The following COX18 variants were observed in gnomAD, a reference collection of about 807,000 sequenced individuals.
COX18 encodes the protein cytochrome c oxidase assembly factor COX18.
COX18 carries 45 observed loss-of-function variants against 38.0 expected under a neutral mutation model. That is an observed-to-expected ratio of 1.18 (90% CI 0.93 to 1.52). COX18 has a LOEUF of 1.52. COX18 is among the 40% of genes most tolerant of loss of function. The pLI is 0.00. For synonymous variants in COX18, 177 were observed against 169.8 expected (o/e 1.04, Z -0.33); for missense variants, 462 against 423.8 (o/e 1.09, Z -0.79).
intron 5 of COX18, among the ~76,000 whole-genome samples, chr4:73,058,743 T>C (rs142006192): frequency 6.6e-6 from 1 of 152,268 alleles, no homozygotes; most frequent in East Asian, 1.9e-4. Flanking sequence ...AGTTTCTCAG[T>C]GTAGTAAGGA....
Position 73,069,665 on chromosome 4 carries a change from G to A in COX18, c.-16C>T, listed in dbSNP as rs754856077. On this transcript the variant is annotated 5_prime_UTR_variant, in exon 1 of 6. Coordinates refer to ENST00000507544, the MANE Select transcript of COX18 (RefSeq NM_001297732.2). ...GGCACAGCATTTCTGCACCACGGCGGAGCCCAGATCCCGGGCCTCACAATC... is the reference window on the plus strand; with the variant it reads ...GGCACAGCATTTCTGCACCACGGCGAAGCCCAGATCCCGGGCCTCACAATC... The A allele has an allele frequency of 6.5e-7, 1 of 1,541,654 alleles. No individual in the cohort carries two copies. Among genetic ancestry groups the A allele is most frequent in the South Asian group, 1.2e-5 (1 of 84,634 alleles).
Position 73,057,505 on chromosome 4 carries a change from G to C in COX18, c.*609C>G, listed in dbSNP as rs1048705823. On this transcript the variant is annotated 3_prime_UTR_variant, in exon 6 of 6. Coordinates refer to ENST00000507544, the MANE Select transcript of COX18 (RefSeq NM_001297732.2). ...TATGCAGTATTGTTTAGTTTAACTT[G>C]CCATCATTCAGTAGCTAACCCTATT... 6.6e-6 allele frequency: 1 copy of C among 151,876 alleles called. No homozygotes were observed. The allele number at this position is 151,876 out of a possible 1,614,324, so 9.4% of individuals were successfully genotyped here.
intron 5 of COX18, among the ~76,000 whole-genome samples, chr4:73,059,462 A>G (rs1720045993): frequency 6.6e-6 from 1 of 152,134 alleles, no homozygotes. Context: ...TTCAGCACTT[A>G]CATTTGTTAT....
Position 73,055,866 on chromosome 4 carries a change from C to A in COX18, c.*2248G>T, listed in dbSNP as rs560391184. 6.6e-6 allele frequency: 1 copy of A among 152,238 alleles called. No individual in the cohort carries two copies. The highest frequency in any genetic ancestry group is 2.4e-5 in the African/African-American group (1 of 41,546). The allele number at this position is 152,238 out of a possible 1,614,324, so 9.4% of individuals were successfully genotyped here. ...ATTCCTTCAATGTGGTTGGAAAGCA[C>A]AATTGCCCCAATAGGACAGTCAGAA... is the stretch of plus-strand genomic sequence containing the variant. On this transcript the variant is annotated 3_prime_UTR_variant, in exon 6 of 6. Coordinates refer to ENST00000507544, the MANE Select transcript of COX18 (RefSeq NM_001297732.2).
intron 2 of COX18, among the ~76,000 whole-genome samples, chr4:73,067,062 T>A (rs1720481921): frequency 6.6e-6 from 1 of 152,212 alleles, no homozygotes; most frequent in African/African-American, 2.4e-5. Flanking sequence ...AAGTTCCCAG[T>A]GAATGAATGC....
chr4:73,064,786 T>C lies in COX18; in HGVS notation c.715A>G (p.Ile239Val). 1 of 1,613,562 alleles carries C rather than the reference T, an allele frequency of 6.2e-7. No individual in the cohort carries two copies. Among genetic ancestry groups the C allele is most frequent in the Non-Finnish European group, 8.5e-7 (1 of 1,179,616 alleles). The change falls in exon 4 of 6, where the codon ATA (isoleucine) becomes GTA (valine). Residue 239 changes from isoleucine (I) to valine (V), a missense_variant. By Grantham distance (29) the Ile-to-Val change is conservative. Transcript: ENST00000507544. Reference protein sequence around the residue: ...PISVGVINLLIVEICALQKIG... With the variant: ...PISVGVINLLVVEICALQKIG... ...CATTTAAAACTACTGACCTCCACTA[T>C]TAACAAATTGATGACGCCAACAGAG...
rs1226230822 is a variant in COX18, at chr4:73,054,999, T to C, written c.*3115A>G. ...CACAATATCATAGCACGTTATTTTT[T>C]GCGTCTCAGCAAAAGTGACAAACAC... On this transcript the variant is annotated 3_prime_UTR_variant, in exon 6 of 6. Coordinates refer to ENST00000507544, the MANE Select transcript of COX18 (RefSeq NM_001297732.2). The C allele has an allele frequency of 6.6e-6, 1 of 152,252 alleles. No individual in the cohort carries two copies. Among genetic ancestry groups the C allele is most frequent in the Non-Finnish European group, 1.5e-5 (1 of 68,046 alleles). The allele number at this position is 152,252 out of a possible 1,614,324, so 9.4% of individuals were successfully genotyped here.
chr4:73,069,220 G>C (rs145832989), intron 1 of COX18, 97 bp downstream of exon 1: 2 of 880,086 alleles, frequency 2.3e-6, no homozygotes, highest in East Asian at 2.7e-5. Flanking sequence ...CACTGCAGAA[G>C]GCAACATCGT....
rs1320709088 is a variant in COX18 at position 73,065,317 on chromosome 4, C to G, written c.531G>C (p.Gln177His). The G allele has an allele frequency of 2.5e-6, 4 of 1,613,692 alleles. No individual in the cohort carries two copies. The highest frequency in any genetic ancestry group is 3.4e-6 in the Non-Finnish European group (4 of 1,179,940). ...PFKATVLVWIQLPMWIFMSFA... is the reference protein window; with the variant it reads ...PFKATVLVWIHLPMWIFMSFA... ...AAGACATGAAGATCCACATTGGAAG[C>G]TGAATCCAAACCAACACAGTGGCTT... The change falls in exon 3 of 6, where the codon CAG becomes CAC. Residue 177 changes from glutamine (Q) to histidine (H), a missense_variant. By Grantham distance (24) the Gln-to-His change is conservative (BLOSUM62 0). Transcript: ENST00000507544.
At chr4:73,059,153 G>A (rs1720031083) in intron 5 of COX18, among the ~76,000 whole-genome samples, 1 of 152,154 alleles carries the variant, frequency 6.6e-6, no homozygotes, top group Admixed American at 6.5e-5. Context: ...TCAATACGAA[G>A]TTCTACAACC....
intron 5 of COX18, among the ~76,000 whole-genome samples, chr4:73,060,947 T>C (rs1290153706): frequency 6.6e-6 from 1 of 151,972 alleles, no homozygotes; most frequent in Non-Finnish European, 1.5e-5. Context: ...TAATAACAAC[T>C]GAATTCGACT....
intron 3 of COX18, 112 bp from the exon 4 acceptor site, chr4:73,065,014 G>T (rs184673964): frequency 2.7e-4 from 291 of 1,092,714 alleles, no homozygotes; most frequent in Non-Finnish European, 3.6e-4. Flanking sequence ...TCACAGGAAA[G>T]ATCTGCACTG....
At chr4:73,063,203 G>T (rs935750388) in intron 4 of COX18, among the ~76,000 whole-genome samples, 4 of 152,040 alleles carry the variant, frequency 2.6e-5, no homozygotes, top group Admixed American at 1.3e-4. Flanking sequence ...CTACTCGAGA[G>T]GCTGAGACAA....
intron 2 of COX18, among the ~76,000 whole-genome samples, chr4:73,067,790 G>A (rs1720520184): frequency 8.6e-6 from 1 of 116,684 alleles, no homozygotes; most frequent in Non-Finnish European, 1.6e-5. Flanking sequence ...GTGATGAGCC[G>A]AGATCACACC....
intron 4 of COX18, among the ~76,000 whole-genome samples, chr4:73,062,155 C>T (rs1720203656): frequency 6.6e-6 from 1 of 152,044 alleles, no homozygotes; most frequent in Non-Finnish European, 1.5e-5. Flanking sequence ...CTCCTGGGCT[C>T]AAGTGATCCT....
At chr4:73,060,431 A>G (rs1720093911) in intron 5 of COX18, among the ~76,000 whole-genome samples, 2 of 152,206 alleles carry the variant, frequency 1.3e-5, no homozygotes. Flanking sequence ...AAAGTTCTCT[A>G]ATAGGCACTC....
intron 1 of COX18, chr4:73,068,427 G>C (rs938880957): frequency 4.4e-6 from 1 of 228,998 alleles, no homozygotes; most frequent in African/African-American, 2.3e-5. Context: ...TATTAGATAA[G>C]AACTGCACCC....
chr4:73,058,336 T>C (rs1577945891), intron 5 of COX18, 49 bp from the exon 6 acceptor site: 1 of 1,351,828 alleles, frequency 7.4e-7, no homozygotes, highest in African/African-American at 1.5e-5. Context: ...TACAAGGACA[T>C]CACAGTCCAG....
chr4:73,068,989 G>C (rs1445777636), intron 1 of COX18, among the ~76,000 whole-genome samples: 2 of 152,166 alleles, frequency 1.3e-5, no homozygotes, highest in Non-Finnish European at 2.9e-5. Context: ...AAATTTTGTA[G>C]GTTTCGCCAA....
Sources: allele counts gnomAD v4.1 joint callset (sites outside exome capture counted in the v4.1 genomes callset), GRCh38; gene constraint gnomAD v4.1.1; transcripts MANE v1.5; gene names NCBI Gene and HGNC (gene_info 2026-07-23, HGNC 2026-07-21).